PFKP: variants seen among roughly 807,000 people sequenced by gnomAD.
PFKP encodes phosphofructokinase, platelet.
PFKP carries 101 observed loss-of-function variants against 94.3 expected under a neutral mutation model. The ratio of observed to expected loss-of-function variants is 1.07; its 90% CI spans 0.91 to 1.26. The LOEUF (loss-of-function observed/expected upper bound fraction) is 1.26. PFKP is among the 50% of genes most tolerant of loss of function. The probability of loss-of-function intolerance (pLI) is 0.00; values close to 1 mark genes in which losing one functional copy is unlikely to be tolerated. For synonymous variants in PFKP, 573 were observed against 432.6 expected (o/e 1.32, Z -4.03); for missense variants, 1,145 against 1,103.3 (o/e 1.04, Z -0.53).
intron 16 of PFKP, chr10:3,125,238 G>A (rs1331249207): frequency 7.6e-7 from 1 of 1,318,686 alleles, no homozygotes; most frequent in Non-Finnish European, 1.0e-6. Flanking sequence ...TGGCCTGAAT[G>A]CTGTTGTTGA....
intron 2 of PFKP, among the ~76,000 whole-genome samples, chr10:3,093,492 C>CGCGT (rs1834219931): frequency 6.6e-6 from 1 of 152,172 alleles, no homozygotes; most frequent in African/African-American, 2.4e-5. Flanking sequence ...TCCACTAACA[C>CGCGT]GCGTGCGTGC....
chr10:3,118,922 G>A, intron 15 of PFKP, 53 bp downstream of exon 15: 7 of 1,397,192 alleles, frequency 5.0e-6, no homozygotes, highest in Non-Finnish European at 7.1e-6. Context: ...CGCGCCCTGT[G>A]TTGGCTAAAC....
At chr10:3,095,011 C>G (rs1834359633) in intron 2 of PFKP, among the ~76,000 whole-genome samples, 2 of 152,140 alleles carry the variant, frequency 1.3e-5, no homozygotes, top group Non-Finnish European at 2.9e-5. Flanking sequence ...TCTCTAGGAG[C>G]TTGTTTTATT....
intron 1 of PFKP, chr10:3,069,270 G>C: frequency 6.7e-7 from 1 of 1,483,226 alleles, no homozygotes; most frequent in South Asian, 1.3e-5. Context: ...CGTTCTTCCT[G>C]CAGGGCTGGG....
At chr10:3,117,118 G>A (rs1454101447) in intron 14 of PFKP, among the ~76,000 whole-genome samples, 2 of 152,194 alleles carry the variant, frequency 1.3e-5, no homozygotes, top group African/African-American at 4.8e-5. Flanking sequence ...GCCAGCTGGC[G>A]AGCCTAAAGC....
intron 1 of PFKP, among the ~76,000 whole-genome samples, chr10:3,075,634 A>G (rs1832519509): frequency 6.8e-6 from 1 of 147,572 alleles, no homozygotes; most frequent in Non-Finnish European, 1.5e-5. Flanking sequence ...GGGTGCCAAG[A>G]CTCAACATCT....
chr10:3,087,293 A>C (rs867510564), intron 2 of PFKP, among the ~76,000 whole-genome samples: 4 of 152,236 alleles, frequency 2.6e-5, no homozygotes, highest in Middle Eastern at 3.4e-3. Context: ...GGTAAAACCC[A>C]TATGTTCTCT....
chr10:3,120,628 C>T (rs1480940106), intron 16 of PFKP, among the ~76,000 whole-genome samples: 1 of 152,054 alleles, frequency 6.6e-6, no homozygotes, highest in East Asian at 1.9e-4. Flanking sequence ...AGTTTTTTTG[C>T]CAAGAGACAA....
At chr10:3,123,630 A>C (rs1361796575) in intron 16 of PFKP, among the ~76,000 whole-genome samples, 1 of 152,210 alleles carries the variant, frequency 6.6e-6, no homozygotes, top group Non-Finnish European at 1.5e-5. Context: ...CCCCACAGCC[A>C]GTCTTGGTCA....
intron 1 of PFKP, among the ~76,000 whole-genome samples, chr10:3,079,139 T>C (rs150999412): frequency 1.3e-5 from 2 of 151,774 alleles, no homozygotes; most frequent in East Asian, 3.9e-4. Flanking sequence ...GGAGTGGGGG[T>C]GGGGAGAATC....
intron 10 of PFKP, among the ~76,000 whole-genome samples, chr10:3,110,134 G>C (rs1432653864): frequency 2.0e-5 from 3 of 152,198 alleles, no homozygotes; most frequent in African/African-American, 7.2e-5. Context: ...AGCAGTTCCA[G>C]CTTTTCAGGC....
intron 20 of PFKP, 39 bp downstream of exon 20, chr10:3,134,621 C>A: frequency 7.7e-7 from 1 of 1,306,636 alleles, no homozygotes; most frequent in Non-Finnish European, 1.1e-6. Context: ...CCTCGTGATG[C>A]AGGCCGTCCT....
intron 1 of PFKP, among the ~76,000 whole-genome samples, chr10:3,069,694 G>A (rs953507699): frequency 2.6e-5 from 4 of 151,986 alleles, no homozygotes; most frequent in Non-Finnish European, 5.9e-5. Flanking sequence ...AGCATCCTGG[G>A]CAACATAGTG....
intron 16 of PFKP, among the ~76,000 whole-genome samples, chr10:3,121,114 T>C (rs981975882): frequency 6.6e-6 from 1 of 152,234 alleles, no homozygotes; most frequent in African/African-American, 2.4e-5. Context: ...TGCTTAGCAC[T>C]CGTTTCTTGC....
intron 4 of PFKP, 113 bp from the exon 5 acceptor site, chr10:3,103,666 G>A: frequency 9.8e-7 from 1 of 1,019,728 alleles, no homozygotes; most frequent in Non-Finnish European, 1.5e-6. Context: ...ATAACAAAGA[G>A]TTTAGAATGG....
chr10:3,104,765 T>G, intron 5 of PFKP: 1 of 352,300 alleles, frequency 2.8e-6, no homozygotes, highest in Non-Finnish European at 5.2e-6. Context: ...CGACAGCAGC[T>G]GCCGACTGTG....
intron 13 of PFKP, 65 bp downstream of exon 13, chr10:3,113,583 C>A: frequency 2.0e-6 from 3 of 1,464,684 alleles, no homozygotes; most frequent in Non-Finnish European, 1.9e-6. Flanking sequence ...GACGTGGCGG[C>A]GGGGGGGTGC....
rs1038555906 is a variant in PFKP, at chr10:3,136,680, A to C, written c.*101A>C. The C allele has an allele frequency of 1.5e-6, 2 of 1,319,476 alleles. No individual in the cohort carries two copies. The highest frequency in any genetic ancestry group is 1.1e-6 in the Non-Finnish European group (1 of 951,962). 81.7% of individuals were successfully genotyped at this position (1,319,476 alleles called of 1,614,324 possible). On this transcript the variant is annotated 3_prime_UTR_variant, in exon 22 of 22. Transcript: ENST00000381125. ...CTTTATGCACGTATTATTGACATTA[A>C]TACCTAATCGGCGAGTGCCCATCTG...
Position 3,113,119 on chromosome 10 carries a change from G to T in PFKP, c.1155G>T (p.Arg385Ser). 6.2e-7 allele frequency: 1 copy of T among 1,612,426 alleles called. No homozygotes were observed. The highest frequency in any genetic ancestry group is 1.1e-5 in the South Asian group (1 of 90,696). ...GTCCAACGACACCCTTTTCCTTTAG[G>T]AGCTTTGCGGGCAACCTGAACACCT... ...RFQDAVRLRG[R>S]SFAGNLNTYK... The change falls in exon 12 of 22, where the codon AGG becomes AGT. Residue 385 changes from arginine to serine, a missense_variant and splice_region_variant. By Grantham distance (110) the Arg-to-Ser change is moderately radical. This residue lies in a region of PFKP where 1,119 missense variants were observed against 1,062.8 expected (regional missense o/e 1.05). Coordinates refer to ENST00000381125, the MANE Select transcript of PFKP (RefSeq NM_002627.5).
Sources: allele counts gnomAD v4.1 joint callset (sites outside exome capture counted in the v4.1 genomes callset), GRCh38; gene constraint gnomAD v4.1.1; regional missense constraint gnomAD v4.1.1; transcripts MANE v1.5; gene names NCBI Gene and HGNC (gene_info 2026-07-23, HGNC 2026-07-21).